The following POT1 variants were observed in gnomAD, a reference collection of about 807,000 sequenced individuals.
POT1 encodes protection of telomeres 1.
POT1 carries 47 observed loss-of-function variants against 78.5 expected under a neutral mutation model. The observed-to-expected ratio is 0.60, with a 90% CI of 0.47 to 0.76. The LOEUF (loss-of-function observed/expected upper bound fraction) is 0.76, where lower values mean the gene tolerates loss of function less well. Among genes scored for constraint, POT1 ranks in the 30% least tolerant of loss-of-function variants. The pLI is 0.00. For missense variants in POT1, 646 were observed against 749.9 expected (o/e 0.86, Z 1.62); for synonymous variants, 259 against 260.7 (o/e 0.99, Z 0.06).
chr7:124,892,289 G>T lies in POT1; in HGVS notation c.101C>A (p.Pro34His). 6.5e-7 allele frequency: 1 copy of T among 1,544,360 alleles called. No individual in the cohort carries two copies. Among genetic ancestry groups the T allele is most frequent in the Non-Finnish European group, 8.7e-7 (1 of 1,150,916 alleles). Reference sequence around the variant, plus strand: ...ACCAGTTCCTTTGCTTAGATATGGGGGCTTAAAGAACTTCACAACACCATA... The same window carrying T: ...ACCAGTTCCTTTGCTTAGATATGGGTGCTTAAAGAACTTCACAACACCATA... ...NVYGVVKFFKPPYLSKGTDYC... is the reference protein window; with the variant it reads ...NVYGVVKFFKHPYLSKGTDYC... Residue 34 changes from proline to histidine, a missense_variant, in exon 6 of 19, where the codon CCC becomes CAC. Physicochemically the swap from Pro to His is moderately conservative, Grantham distance 77. This residue lies in a region of POT1 where 252 missense variants were observed against 341.4 expected (regional missense o/e 0.74). Transcript: ENST00000357628.
At chr7:124,887,396 T>C (rs527923001) in intron 6 of POT1, among the ~76,000 whole-genome samples, 8 of 152,238 alleles carry the variant, frequency 5.3e-5, no homozygotes, top group African/African-American at 1.7e-4. Context: ...GTCTTCGCAA[T>C]GTTCATTTAC....
chr7:124,847,845 A>C (rs1237283690), intron 11 of POT1, among the ~76,000 whole-genome samples: 1 of 152,224 alleles, frequency 6.6e-6, no homozygotes, highest in Non-Finnish European at 1.5e-5. Context: ...TGTGAGGAAA[A>C]TGCATACTTC....
chr7:124,879,438 G>A (rs1289302651), intron 6 of POT1, among the ~76,000 whole-genome samples: 1 of 152,142 alleles, frequency 6.6e-6, no homozygotes, highest in Non-Finnish European at 1.5e-5. Context: ...CCACGGTTTG[G>A]AAATGAGGGA....
chr7:124,831,540 A>T (rs1015440189), intron 15 of POT1, among the ~76,000 whole-genome samples: 1 of 152,224 alleles, frequency 6.6e-6, no homozygotes, highest in Non-Finnish European at 1.5e-5. Flanking sequence ...ATTTAAAAAA[A>T]AACTGTTTAT....
At chr7:124,885,946 A>T (rs1796234879) in intron 6 of POT1, among the ~76,000 whole-genome samples, 2 of 152,120 alleles carry the variant, frequency 1.3e-5, no homozygotes, top group South Asian at 4.1e-4. Context: ...TGTTCTTTTA[A>T]CTCTGATAGT....
intron 2 of POT1, among the ~76,000 whole-genome samples, chr7:124,928,124 ATTAC>A (rs1417122651): frequency 3.3e-5 from 5 of 152,138 alleles, no homozygotes; most frequent in African/African-American, 1.2e-4. Context: ...AGTTATTATT[ATTAC>A]TATCTTTTTT....
chr7:124,846,184 C>CACACACACACACACACACA (rs1554421673), intron 12 of POT1, among the ~76,000 whole-genome samples: 1 of 150,568 alleles, frequency 6.6e-6, no homozygotes, highest in African/African-American at 2.5e-5. Flanking sequence ...CACACACACA[C>CACACACACACACACACACA]CCCTATAATA....
intron 6 of POT1, among the ~76,000 whole-genome samples, chr7:124,879,322 T>C (rs532951894): frequency 1.3e-5 from 2 of 152,056 alleles, no homozygotes; most frequent in Non-Finnish European, 2.9e-5. Flanking sequence ...AGGTAGAAGC[T>C]GAAAGTGAGC....
rs1584510203 is a variant in POT1, at chr7:124,897,167, A to G, written c.7T>C (p.Leu3=). Residue 3 remains leucine, a splice_region_variant and synonymous_variant, in exon 5 of 19, where the codon TTG becomes CTG. Transcript: ENST00000357628. MS[L]VPATNYIYTP... The stretch of plus-strand genomic sequence containing the variant: ...AATTAAACTGAATATCATCTTACCA[A>G]AGACATTGATTCTGTAGAAAAATCT... 1 of 1,454,104 alleles carries G rather than the reference A, an allele frequency of 6.9e-7. No individual in the cohort carries two copies. Among genetic ancestry groups the G allele is most frequent in the South Asian group, 1.2e-5 (1 of 82,764 alleles). 90.1% of individuals were successfully genotyped at this position (1,454,104 alleles called of 1,614,324 possible). A position where few individuals can be genotyped will look rare whatever the true frequency, so the allele number is the denominator to read the frequency against.
intron 6 of POT1, among the ~76,000 whole-genome samples, chr7:124,888,554 T>G (rs1407631573): frequency 6.6e-6 from 1 of 152,072 alleles, no homozygotes; most frequent in Non-Finnish European, 1.5e-5. Flanking sequence ...CTGAGTAGTA[T>G]GACCATGTTA....
rs1301093847 is a variant in POT1 at position 124,822,456 on chromosome 7, AG to A, written c.*1505del. 1.2e-5 allele frequency: 5 copies of A among 414,856 alleles called. No individual in the cohort carries two copies. Among genetic ancestry groups the A allele is most frequent in the Non-Finnish European group, 2.5e-5 (5 of 200,184 alleles). The allele number at this position is 414,856 out of a possible 1,614,324, so 25.7% of individuals were successfully genotyped here. A position where few individuals can be genotyped will look rare whatever the true frequency, so the allele number is the denominator to read the frequency against. On this transcript the variant is annotated 3_prime_UTR_variant, in exon 19 of 19. Transcript: ENST00000357628. ...ATGGCCTATCATCATGAAGATTCAT[AG>A]GAAGAGTTTTCCTTTGTTAACGTGG...
Position 124,863,643 on chromosome 7 carries a change from A to G in POT1, c.256-3T>C, listed in dbSNP as rs760801846. ...GTCTCCTTTTTATATACTTGAATCT[A>G]AGAAAGTAGGGCAAAGTAGAAAACA... On this transcript the variant is annotated splice_polypyrimidine_tract_variant and splice_region_variant and intron_variant, in intron 7 of 18. Transcript: ENST00000357628. 6.2e-7 allele frequency: 1 copy of G among 1,602,962 alleles called. No individual in the cohort carries two copies.
chr7:124,905,387 T>C (rs1029615921), intron 3 of POT1, among the ~76,000 whole-genome samples: 1 of 152,180 alleles, frequency 6.6e-6, no homozygotes, highest in African/African-American at 2.4e-5. Context: ...GAGAAAGGAT[T>C]CCCTATTCAA....
At chr7:124,857,928 C>T (rs1795486774) in intron 9 of POT1, among the ~76,000 whole-genome samples, 1 of 152,136 alleles carries the variant, frequency 6.6e-6, no homozygotes, top group Non-Finnish European at 1.5e-5. Context: ...TCAGGGGTCA[C>T]CAGCACCCTC....
intron 2 of POT1, among the ~76,000 whole-genome samples, chr7:124,917,335 CAA>C (rs1797037857): frequency 6.6e-6 from 1 of 152,086 alleles, no homozygotes; most frequent in Non-Finnish European, 1.5e-5. Context: ...ATGGGGAAGA[CAA>C]GAGAAAAATC....
rs1663453029 is a variant in POT1, at chr7:124,921,987, A to G, written c.-226-6341T>C. Among the ~76,000 whole-genome samples the G allele has an allele frequency of 2.6e-5, 4 of 152,096 alleles. No homozygotes were observed. The South Asian group carries it at 8.3e-4, about 32-fold the overall frequency. ...AGAAATTCAAAGAAAAAGCTTACTT[A>G]AGCACATGCCAGTCCAACTGCTGAA... On this transcript the variant is annotated intron_variant, in intron 2 of 18. Transcript: ENST00000357628.
At chr7:124,895,035 A>G (rs777836607) in intron 5 of POT1, among the ~76,000 whole-genome samples, 5 of 151,720 alleles carry the variant, frequency 3.3e-5, no homozygotes, top group Non-Finnish European at 7.4e-5. Context: ...TAATAAAACT[A>G]GCACTTACAA....
intron 6 of POT1, among the ~76,000 whole-genome samples, chr7:124,882,272 A>C (rs1796137405): frequency 6.6e-6 from 1 of 152,026 alleles, no homozygotes; most frequent in Admixed American, 6.6e-5. Context: ...TATTTGAGCA[A>C]CACTATTCCA....
chr7:124,872,515 T>C (rs1043171498), intron 6 of POT1, among the ~76,000 whole-genome samples: 2 of 152,216 alleles, frequency 1.3e-5, no homozygotes, highest in Non-Finnish European at 2.9e-5. Context: ...TCAGCTATCA[T>C]ATCAACTGTC....
Sources: gnomAD v4.1 joint callset for allele counts (sites outside exome capture counted in the v4.1 genomes callset) on GRCh38, gnomAD v4.1.1 for gene constraint, gnomAD v4.1.1 regional missense constraint, MANE v1.5 for transcripts, NCBI Gene and HGNC (gene_info 2026-07-23, HGNC 2026-07-21) for gene names.